KMT2A: variants seen among roughly 807,000 people sequenced by gnomAD.
KMT2A encodes lysine methyltransferase 2A, also known as histone-lysine N-methyltransferase 2A.
In KMT2A, 16 loss-of-function variants were observed where a neutral mutation model predicts 345.3. The ratio of observed to expected loss-of-function variants is 0.05; its 90% confidence interval spans 0.03 to 0.07. The LOEUF is 0.07. Among genes scored for constraint, KMT2A ranks in the 10% least tolerant of loss-of-function variants. The pLI, the probability that KMT2A is intolerant of heterozygous loss-of-function variation, is 1.00. For synonymous variants in KMT2A, 1,599 were observed against 1,778.6 expected, an observed-to-expected ratio of 0.90 and a Z score of 2.54; for missense variants, 3,272 against 4,841.6, an observed-to-expected ratio of 0.68 and a Z score of 9.62.
At position 118,493,170 on chromosome 11, in the gene KMT2A, G is replaced by A. The variant is rs2134346167; in HGVS notation, c.5118G>A (p.Gln1706=). Residue 1706 remains glutamine (Q), a synonymous_variant, in exon 16 of 36, where the codon CAG becomes CAA. Transcript: ENST00000534358. This position sits in a 1 kb window ranked among gnomAD's most constrained non-coding sequence, Gnocchi z 5.8. ...CTGAGGTCAGCAAACAGGATGATCA[G>A]CAGCCTTTAGATCTAGAAGGAGTCA... ...VLTEVSKQDD[Q]QPLDLEGVKR... is the part of the protein sequence containing the mutation. The A allele has an allele frequency of 6.2e-7, 1 of 1,614,130 alleles. No homozygotes were observed. Among genetic ancestry groups the A allele is most frequent in the Non-Finnish European group, 8.5e-7 (1 of 1,180,006 alleles).
intron 27 of KMT2A, 37 bp from the exon 28 acceptor site, chr11:118,507,492 G>A (rs1555048854): frequency 1.3e-6 from 2 of 1,569,564 alleles, no homozygotes; most frequent in Admixed American, 1.7e-5. Flanking sequence ...ATTTACTGGT[G>A]GTTTGTCTTG....
Position 118,493,102 on chromosome 11 carries a change from C to A in KMT2A, c.5050C>A (p.Pro1684Thr). Reference sequence around the variant, plus strand: ...AAATCCCGAGACAGAGGAGAGTATACCTTCCCGCAGCTCCCCCGAAGGACC... The same window carrying A: ...AAATCCCGAGACAGAGGAGAGTATAACTTCCCGCAGCTCCCCCGAAGGACC... ...DLNPETEESI[P>T]SRSSPEGPDP... The change falls in exon 16 of 36, where the codon CCT becomes ACT. Residue 1684 changes from proline (P) to threonine (T), a missense_variant. Around this residue, in one of 27 missense-constraint regions of KMT2A, gnomAD observed 66 missense variants for 80.1 expected, o/e 0.82. Coordinates refer to ENST00000534358, the MANE Select transcript of KMT2A (RefSeq NM_001197104.2). The surrounding 1 kb of genome is among the most constrained non-coding windows in gnomAD (Gnocchi z 5.8). 1 of 1,614,012 alleles carries A rather than the reference C, an allele frequency of 6.2e-7. No individual in the cohort carries two copies. The highest frequency in any genetic ancestry group is 8.5e-7 in the Non-Finnish European group (1 of 1,179,920).
chr11:118,498,598 A>T lies in KMT2A; in HGVS notation c.5961+70A>T. ...TTAGAGCAGTTTTAGGTTCACAGCA[A>T]AATTGACTGGAAGGTACAGAGATTT... On this transcript the variant is annotated intron_variant, in intron 22 of 35. Coordinates refer to ENST00000534358, the MANE Select transcript of KMT2A (RefSeq NM_001197104.2). This position sits in a 1 kb window ranked among gnomAD's most constrained non-coding sequence, Gnocchi z 4.4. The T allele has an allele frequency of 6.8e-7, 1 of 1,471,166 alleles. No homozygotes were observed. Among genetic ancestry groups the T allele is most frequent in the Non-Finnish European group, 9.1e-7 (1 of 1,099,130 alleles). 91.1% of individuals were successfully genotyped at this position (1,471,166 alleles called of 1,614,324 possible).
Position 118,507,584 on chromosome 11 carries a change from CAGA to C in KMT2A, c.10813_10815del (p.Lys3605del), listed in dbSNP as rs781950432. 5 of 1,614,126 alleles carry C rather than the reference CAGA, an allele frequency of 3.1e-6. No individual in the cohort carries two copies. The highest frequency in any genetic ancestry group is 4.2e-6 in the Non-Finnish European group (5 of 1,179,962). The stretch of plus-strand genomic sequence containing the variant: ...TACAGCTAGCGTGGAGCAGTCCTCC[CAGA>C]AGGAGTGTGGGCAACCTGCAGGGTA... On this transcript the variant is annotated inframe_deletion, in exon 28 of 36. Coordinates refer to ENST00000534358, the MANE Select transcript of KMT2A (RefSeq NM_001197104.2).
rs1950413165 is a variant in KMT2A, at chr11:118,496,620, T to G, written c.5664+253T>G. ...AAAAGGTGACTGATTTGCCTTAAAT[T>G]AAACCCTTGATGTCTAGTAATTTCT... On this transcript the variant is annotated intron_variant, in intron 20 of 35. Coordinates refer to ENST00000534358, the MANE Select transcript of KMT2A (RefSeq NM_001197104.2). This position sits in a 1 kb window ranked among gnomAD's most constrained non-coding sequence, Gnocchi z 4.7. Among the ~76,000 whole-genome samples the G allele has an allele frequency of 6.6e-6, 1 of 152,248 alleles. No homozygotes were observed.
rs2134365287 is a variant in KMT2A, at chr11:118,498,114, T to C, written c.5802+41T>C. On this transcript the variant is annotated intron_variant, in intron 21 of 35. Coordinates refer to ENST00000534358, the MANE Select transcript of KMT2A (RefSeq NM_001197104.2). This position sits in a 1 kb window ranked among gnomAD's most constrained non-coding sequence, Gnocchi z 4.4. ...TAAATTTTATGAAAGAGATTCCCTCTCAGTTTCCAGATATTCTTCCTGTGG... is the reference window on the plus strand; with the variant it reads ...TAAATTTTATGAAAGAGATTCCCTCCCAGTTTCCAGATATTCTTCCTGTGG... 6.2e-7 allele frequency: 1 copy of C among 1,604,412 alleles called. No homozygotes were observed. Among genetic ancestry groups the C allele is most frequent in the Non-Finnish European group, 8.5e-7 (1 of 1,172,930 alleles).
rs2134266087 is a variant in KMT2A at position 118,473,229 on chromosome 11, G to A, written c.2070G>A (p.Met690Ile). ...SPLHSGTRFDMHKRSPLLRAP... is the reference protein window; with the variant it reads ...SPLHSGTRFDIHKRSPLLRAP... ...TCCATTCTGGAACAAGGTTTGATATGCACAAAAGGAGCCCTCTTCTGAGAG... is the reference window on the plus strand; with the variant it reads ...TCCATTCTGGAACAAGGTTTGATATACACAAAAGGAGCCCTCTTCTGAGAG... The change falls in exon 3 of 36, where the codon ATG becomes ATA. Residue 690 changes from methionine to isoleucine, a missense_variant. This residue lies in a region of KMT2A where 114 missense variants were observed against 203.2 expected (regional missense o/e 0.56). Coordinates refer to ENST00000534358, the MANE Select transcript of KMT2A (RefSeq NM_001197104.2). This position sits in a 1 kb window ranked among gnomAD's most constrained non-coding sequence, Gnocchi z 5.2. 2 of 1,611,664 alleles carry A rather than the reference G, an allele frequency of 1.2e-6. No individual in the cohort carries two copies. Among genetic ancestry groups the A allele is most frequent in the Middle Eastern group, 1.7e-4 (1 of 6,040 alleles).
chr11:118,504,677 G>C lies in KMT2A; in HGVS notation c.8785G>C (p.Glu2929Gln), dbSNP rs1555047346. ...SAEEQFELPL[E>Q]LPSDLSVLTT... ...AGAGGAACAGTTTGAGTTGCCTCTAGAGCTACCATCTGATCTGTCTGTCTT... is the reference window on the plus strand; with the variant it reads ...AGAGGAACAGTTTGAGTTGCCTCTACAGCTACCATCTGATCTGTCTGTCTT... Residue 2929 changes from glutamate (E) to glutamine (Q), a missense_variant, in exon 27 of 36, where the codon GAG becomes CAG. Transcript: ENST00000534358. This position sits in a 1 kb window ranked among gnomAD's most constrained non-coding sequence, Gnocchi z 6.4. 3 of 1,614,134 alleles carry C rather than the reference G, an allele frequency of 1.9e-6. No homozygotes were observed. Among genetic ancestry groups the C allele is most frequent in the Non-Finnish European group, 2.5e-6 (3 of 1,180,008 alleles).
chr11:118,521,362 G>A lies in KMT2A; in HGVS notation c.11588G>A (p.Gly3863Asp), dbSNP rs2135294214. The change falls in exon 35 of 36, where the codon GGC becomes GAC. Residue 3863 changes from glycine (G) to aspartate (D), a missense_variant. Gly to Asp is a moderately conservative substitution (Grantham distance 94). This residue lies in a region of KMT2A where 78 missense variants were observed against 254.5 expected (regional missense o/e 0.31). Coordinates refer to ENST00000534358, the MANE Select transcript of KMT2A (RefSeq NM_001197104.2). This position sits in a 1 kb window ranked among gnomAD's most constrained non-coding sequence, Gnocchi z 5.3. ...DAGEMVIEYA[G>D]NVIRSIQTDK... ...GGTGAGATGGTGATTGAGTATGCCGGCAACGTCATCCGCTCCATCCAGACT... is the reference window on the plus strand; with the variant it reads ...GGTGAGATGGTGATTGAGTATGCCGACAACGTCATCCGCTCCATCCAGACT... 1 of 1,613,996 alleles carries A rather than the reference G, an allele frequency of 6.2e-7. No individual in the cohort carries two copies.
At chr11:118,441,525 T>G (rs1555140107) in intron 1 of KMT2A, among the ~76,000 whole-genome samples, 3 of 152,280 alleles carry the variant, frequency 2.0e-5, no homozygotes, top group African/African-American at 7.2e-5. Context: ...TTGTTGTGAA[T>G]TCCAGACTAT....
Position 118,493,974 on chromosome 11 carries a change from G to A in KMT2A, c.5179-314G>A, listed in dbSNP as rs1357779657. ...GATCCACCCACATCAGCCTCCCAAA[G>A]TGCTGGGATTACAGGCGTGAGCCAC... is the stretch of plus-strand genomic sequence containing the variant. On this transcript the variant is annotated intron_variant, in intron 16 of 35. Coordinates refer to ENST00000534358, the MANE Select transcript of KMT2A (RefSeq NM_001197104.2). This position sits in a 1 kb window ranked among gnomAD's most constrained non-coding sequence, Gnocchi z 5.8. Among the ~76,000 whole-genome samples, 1 of 152,160 alleles carries A rather than the reference G, an allele frequency of 6.6e-6. No homozygotes were observed. The highest frequency in any genetic ancestry group is 1.5e-5 in the Non-Finnish European group (1 of 68,036).
intron 1 of KMT2A, chr11:118,448,208 G>A (rs1348400922): frequency 6.6e-6 from 1 of 152,336 alleles, no homozygotes; most frequent in African/African-American, 2.4e-5. Context: ...AACAGTAGGT[G>A]TGGTATCAAT....
At chr11:118,458,288 G>A (rs1317775359) in intron 1 of KMT2A, 2 of 244,344 alleles carry the variant, frequency 8.2e-6, no homozygotes, top group African/African-American at 4.7e-5. Flanking sequence ...CACTATGTTG[G>A]TCTAGAACTA....
chr11:118,477,885 T>C (rs1950067563), intron 4 of KMT2A, 82 bp from the exon 5 acceptor site: 4 of 829,436 alleles, frequency 4.8e-6, no homozygotes, highest in Non-Finnish European at 8.0e-6. Flanking sequence ...TTTATTTTAA[T>C]GTATTTCATT....
Position 118,491,820 on chromosome 11 carries a change from T to C in KMT2A, c.4896T>C (p.Pro1632=). The C allele has an allele frequency of 6.2e-7, 1 of 1,614,150 alleles. No homozygotes were observed. Among genetic ancestry groups the C allele is most frequent in the Non-Finnish European group, 8.5e-7 (1 of 1,179,974 alleles). ...GTGTGAACTGTACTGAGCGGCACCC[T>C]GCAGAGTGGCGACTGGCCCTTGAAA... ...YTCVNCTERH[P]AEWRLALEKE... is the part of the protein sequence containing the mutation. Residue 1632 remains proline, a synonymous_variant, in exon 15 of 36, where the codon CCT becomes CCC. Coordinates refer to ENST00000534358, the MANE Select transcript of KMT2A (RefSeq NM_001197104.2). This position sits in a 1 kb window ranked among gnomAD's most constrained non-coding sequence, Gnocchi z 4.2.
chr11:118,498,028 A>T lies in KMT2A; in HGVS notation c.5757A>T (p.Gly1919=), dbSNP rs782319915. ...CGGAAGTGTTTGAAGATGATGACGG[A>T]TCACTAAAGAATGTGCATATGGCTG... ...WSAEVFEDDD[G]SLKNVHMAVI... is the part of the protein sequence containing the mutation. The change falls in exon 21 of 36, where the codon GGA becomes GGT. Residue 1919 remains glycine, a synonymous_variant. Transcript: ENST00000534358. The surrounding 1 kb of genome is among the most constrained non-coding windows in gnomAD (Gnocchi z 4.4). The T allele has an allele frequency of 1.2e-6, 2 of 1,614,070 alleles. No homozygotes were observed. Among genetic ancestry groups the T allele is most frequent in the Non-Finnish European group, 1.7e-6 (2 of 1,180,030 alleles).
chr11:118,479,594 A>T (rs1219933814), intron 5 of KMT2A, among the ~76,000 whole-genome samples: 1 of 152,256 alleles, frequency 6.6e-6, no homozygotes, highest in Non-Finnish European at 1.5e-5. Flanking sequence ...TAGTGGAAAG[A>T]AGTAAACTAA....
intron 31 of KMT2A, among the ~76,000 whole-genome samples, chr11:118,513,553 T>G (rs1168622581): frequency 2.0e-5 from 3 of 152,062 alleles, no homozygotes; most frequent in Non-Finnish European, 4.4e-5. Context: ...TTTTTTATAC[T>G]TAAAATTTTT....
Position 118,436,737 on chromosome 11 carries a change from A to C in KMT2A, c.225A>C (p.Pro75=). ...CGGGAAGCAGCGGGGCTGGGGTTCC[A>C]GGGGGAGCGGCCGCCGCCTCAGCAG... ...AAAGSSGAGV[P]GGAAAASAAS... Residue 75 remains proline, a synonymous_variant, in exon 1 of 36, where the codon CCA becomes CCC. Transcript: ENST00000534358. The surrounding 1 kb of genome is among the most constrained non-coding windows in gnomAD (Gnocchi z 6.9). 2 of 1,578,044 alleles carry C rather than the reference A, an allele frequency of 1.3e-6. No homozygotes were observed. Among genetic ancestry groups the C allele is most frequent in the Non-Finnish European group, 8.6e-7 (1 of 1,163,310 alleles).
Sources: allele counts gnomAD v4.1 joint callset (sites outside exome capture counted in the v4.1 genomes callset), GRCh38; gene constraint gnomAD v4.1.1; regional missense constraint gnomAD v4.1.1; non-coding constraint Gnocchi (gnomAD v3.1); transcripts MANE v1.5; gene names NCBI Gene and HGNC (gene_info 2026-07-23, HGNC 2026-07-21).